The following SORCS3 variants were observed in gnomAD, a reference collection of about 807,000 sequenced individuals.
The protein encoded by SORCS3 is VPS10 domain-containing receptor SorCS3.
Under a neutral mutation model 146.3 loss-of-function variants are expected in SORCS3, and 57 were observed. That is an observed-to-expected ratio of 0.39 (90% CI 0.31 to 0.49). SORCS3 has a LOEUF of 0.49. SORCS3 is among the 20% of genes least tolerant of loss of function. The pLI, the probability that SORCS3 is intolerant of heterozygous loss-of-function variation, is 0.92. For synonymous variants in SORCS3, 653 were observed against 618.5 expected (o/e 1.06, Z -0.83); for missense variants, 1,341 against 1,575.5 (o/e 0.85, Z 2.52).
At position 105,265,014 on chromosome 10, in the gene SORCS3, G is replaced by C. The variant is rs1207402661; in HGVS notation, c.*1640G>C. Reference sequence around the variant, plus strand: ...TGGCTACAGTGTAGATCAGTATTAGGAATATTTCTAAAGATCCTGCTTTTT... The same window carrying C: ...TGGCTACAGTGTAGATCAGTATTAGCAATATTTCTAAAGATCCTGCTTTTT... On this transcript the variant is annotated 3_prime_UTR_variant, in exon 27 of 27. Coordinates refer to ENST00000369701, the MANE Select transcript of SORCS3 (RefSeq NM_014978.3). 3 of 148,708 alleles carry C rather than the reference G, an allele frequency of 2.0e-5. No homozygotes were observed. Among genetic ancestry groups the C allele is most frequent in the East Asian group, 2.0e-4 (1 of 4,980 alleles). 9.2% of individuals were successfully genotyped at this position (148,708 alleles called of 1,614,324 possible). A position where few individuals can be genotyped will look rare whatever the true frequency, so the allele number is the denominator to read the frequency against.
At chr10:105,229,068 T>C (rs1020111556) in intron 20 of SORCS3, among the ~76,000 whole-genome samples, 8 of 152,150 alleles carry the variant, frequency 5.3e-5, no homozygotes, top group Non-Finnish European at 7.4e-5. Flanking sequence ...ACATTTTTGT[T>C]TGAGTGGGTT....
At chr10:104,996,949 G>A (rs2055031181) in intron 4 of SORCS3, among the ~76,000 whole-genome samples, 1 of 152,134 alleles carries the variant, frequency 6.6e-6, no homozygotes, top group Admixed American at 6.6e-5. Context: ...ATGTGTGGAT[G>A]TTGAGAAGAG....
chr10:105,007,042 A>G (rs867996040), intron 4 of SORCS3, among the ~76,000 whole-genome samples: 2 of 152,136 alleles, frequency 1.3e-5, no homozygotes, highest in Non-Finnish European at 2.9e-5. Flanking sequence ...GAGTGTGAGA[A>G]AGTCCCAGCA....
At chr10:105,251,089 C>A (rs374745264) in intron 22 of SORCS3, among the ~76,000 whole-genome samples, 2 of 152,248 alleles carry the variant, frequency 1.3e-5, no homozygotes, top group Middle Eastern at 3.4e-3. Context: ...CTGTATTAGT[C>A]CATTCTCAAA....
chr10:105,168,158 G>A (rs1295507354), intron 13 of SORCS3, among the ~76,000 whole-genome samples: 1 of 151,802 alleles, frequency 6.6e-6, no homozygotes, highest in Non-Finnish European at 1.5e-5. Flanking sequence ...GGGGATGAAA[G>A]TTAGACTATA....
intron 4 of SORCS3, among the ~76,000 whole-genome samples, chr10:105,005,927 T>G (rs2055092382): frequency 6.6e-6 from 1 of 152,204 alleles, no homozygotes; most frequent in Non-Finnish European, 1.5e-5. Context: ...CTAAATTTCC[T>G]CCTCTCGCAG....
intron 1 of SORCS3, among the ~76,000 whole-genome samples, chr10:104,718,906 A>C (rs1285515564): frequency 6.6e-6 from 1 of 152,232 alleles, no homozygotes; most frequent in Non-Finnish European, 1.5e-5. Flanking sequence ...AAAATAAAGA[A>C]GGGAACTGTC....
chr10:104,821,460 G>C (rs752574320), intron 1 of SORCS3, among the ~76,000 whole-genome samples: 3 of 152,174 alleles, frequency 2.0e-5, no homozygotes, highest in Non-Finnish European at 2.9e-5. Context: ...GTGAGGGTTT[G>C]TGTTCCTTTT....
At chr10:105,047,498 A>T (rs1266080565) in intron 5 of SORCS3, among the ~76,000 whole-genome samples, 1 of 152,024 alleles carries the variant, frequency 6.6e-6, no homozygotes, top group African/African-American at 2.4e-5. Context: ...AAAGTAATGT[A>T]CTCTAAGGTA....
intron 10 of SORCS3, 136 bp downstream of exon 10, chr10:105,157,420 C>G: frequency 9.8e-7 from 1 of 1,022,358 alleles, no homozygotes; most frequent in African/African-American, 1.6e-5. Flanking sequence ...ACTTGCAGGG[C>G]ATTGGTGTGT....
At chr10:105,136,888 T>C (rs1352221726) in intron 7 of SORCS3, among the ~76,000 whole-genome samples, 1 of 152,178 alleles carries the variant, frequency 6.6e-6, no homozygotes, top group Admixed American at 6.6e-5. Context: ...ATTTAAAGTA[T>C]AATTTCTATC....
intron 1 of SORCS3, among the ~76,000 whole-genome samples, chr10:104,817,198 G>T (rs2496003): frequency 0.8 from 121,297 of 152,186 alleles, 48,437 homozygotes; most frequent in Admixed American, 0.86. Flanking sequence ...GAGGAAGATA[G>T]GGCCCATGGA....
chr10:104,645,974 A>T (rs2015490753), intron 1 of SORCS3, among the ~76,000 whole-genome samples: 1 of 152,186 alleles, frequency 6.6e-6, no homozygotes, highest in Admixed American at 6.5e-5. Context: ...TTGGAGGCTT[A>T]ATAAAGAAGC....
chr10:105,011,914 G>A (rs896252416), intron 4 of SORCS3, among the ~76,000 whole-genome samples: 1 of 152,058 alleles, frequency 6.6e-6, no homozygotes, highest in African/African-American at 2.4e-5. Flanking sequence ...TGTTATAGTT[G>A]GCCTAACAAC....
chr10:104,717,214 G>T (rs1013928684), intron 1 of SORCS3, among the ~76,000 whole-genome samples: 3 of 150,490 alleles, frequency 2.0e-5, no homozygotes, highest in African/African-American at 7.3e-5. Flanking sequence ...GAGCCTAGGA[G>T]TTTGAGGCTG....
At chr10:104,670,385 G>A (rs1188138909) in intron 1 of SORCS3, among the ~76,000 whole-genome samples, 2 of 151,850 alleles carry the variant, frequency 1.3e-5, no homozygotes, top group Non-Finnish European at 2.9e-5. Context: ...TTTTATATAC[G>A]GTGTGAGGTA....
intron 1 of SORCS3, among the ~76,000 whole-genome samples, chr10:104,718,061 G>C (rs1206856470): frequency 6.6e-6 from 1 of 152,094 alleles, no homozygotes; most frequent in African/African-American, 2.4e-5. Context: ...CAGGAGAATC[G>C]CTTGAACCTG....
At chr10:104,671,274 G>GT (rs1337184547) in intron 1 of SORCS3, among the ~76,000 whole-genome samples, 2 of 104,156 alleles carry the variant, frequency 1.9e-5, no homozygotes, top group Admixed American at 1.0e-4. Context: ...TGTTAACTGT[G>GT]TGTTTTTTTT....
intron 2 of SORCS3, among the ~76,000 whole-genome samples, chr10:104,904,978 ATAGTTT>A (rs1330353863): frequency 1.3e-5 from 2 of 152,128 alleles, no homozygotes; most frequent in Non-Finnish European, 2.9e-5. Flanking sequence ...AGTCACTGTG[ATAGTTT>A]AAGGCATATT....
Sources: allele counts gnomAD v4.1 joint callset (sites outside exome capture counted in the v4.1 genomes callset), GRCh38; gene constraint gnomAD v4.1.1; transcripts MANE v1.5; gene names NCBI Gene and HGNC (gene_info 2026-07-23, HGNC 2026-07-21).